The following APOB variants were observed in gnomAD, a reference collection of about 807,000 sequenced individuals.
APOB encodes the protein apolipoprotein B-100.
A neutral mutation model predicts 314.1 loss-of-function variants in APOB; 153 were observed. The observed-to-expected ratio is 0.49, with a 90% CI of 0.43 to 0.56. The LOEUF (loss-of-function observed/expected upper bound fraction) is 0.56. Among genes scored for constraint, APOB ranks in the 20% least tolerant of loss-of-function variants. The probability of loss-of-function intolerance (pLI) is 0.00; values close to 1 mark genes in which losing one functional copy is unlikely to be tolerated. For synonymous variants in APOB, 2,087 were observed against 2,036.4 expected (o/e 1.02, Z -0.67); for missense variants, 5,430 against 5,350.7 (o/e 1.01, Z -0.46).
Position 21,007,430 on chromosome 2 carries a change from T to C in APOB, c.9438A>G (p.Pro3146=), listed in dbSNP as rs1452800083. 1 of 1,614,058 alleles carries C rather than the reference T, an allele frequency of 6.2e-7. No individual in the cohort carries two copies. The highest frequency in any genetic ancestry group is 1.3e-5 in the African/African-American group (1 of 75,048). ...RLPYTIITTP[P]LKDFSLWEKT... ...TTTCCCATAGAGAGAAATCTTTCAG[T>C]GGAGGAGTTGTGATTATTGTGTAAG... is the stretch of plus-strand genomic sequence containing the variant. The change falls in exon 26 of 29, where the codon CCA becomes CCG. Residue 3146 remains proline, a synonymous_variant. Transcript: ENST00000233242.
chr2:21,022,757 C>T (rs762885816), intron 18 of APOB, 74 bp downstream of exon 18: 117 of 1,444,008 alleles, frequency 8.1e-5, no homozygotes, highest in Non-Finnish European at 1.1e-4. Context: ...ACTGTTTAGC[C>T]TGGCAAAATT....
Position 21,010,675 on chromosome 2 carries a change from C to A in APOB, c.6193G>T (p.Asp2065Tyr). Residue 2065 changes from aspartate to tyrosine, a missense_variant, in exon 26 of 29, where the codon GAT becomes TAT. Around this residue, in one of 3 missense-constraint regions of APOB, gnomAD observed 3,281 missense variants for 3,171.0 expected, o/e 1.03. Transcript: ENST00000233242. ...AATGGGAGGTTAATGGAGTGAACAT[C>A]TTGGTTTTTATCATACTTTACAAAA... ...VAFVKYDKNQ[D>Y]VHSINLPFFE... 1 of 1,614,022 alleles carries A rather than the reference C, an allele frequency of 6.2e-7. No homozygotes were observed. Among genetic ancestry groups the A allele is most frequent in the Non-Finnish European group, 8.5e-7 (1 of 1,179,984 alleles).
In APOB at chr2:21,009,270, T is replaced by C. The variant is rs755016050; in HGVS notation, c.7598A>G (p.Gln2533Arg). ...CTGGCCTACCAGAGACAGGTATCGTTGAAGTTCCTGCTGAATGTCCATTTG... is the reference window on the plus strand; with the variant it reads ...CTGGCCTACCAGAGACAGGTATCGTCGAAGTTCCTGCTGAATGTCCATTTG... ...MYQMDIQQEL[Q>R]RYLSLVGQVY... Residue 2533 changes from glutamine to arginine, a missense_variant, in exon 26 of 29, where the codon CAA becomes CGA. This residue lies in a region of APOB where 3,281 missense variants were observed against 3,171.0 expected (regional missense o/e 1.03). Transcript: ENST00000233242. 6.8e-6 allele frequency: 11 copies of C among 1,613,980 alleles called. No homozygotes were observed. The South Asian group carries it at 9.9e-5, about 14-fold the overall frequency.
At chr2:21,040,268 A>G (rs1018220679) in intron 4 of APOB, among the ~76,000 whole-genome samples, 3 of 152,338 alleles carry the variant, frequency 2.0e-5, no homozygotes, top group African/African-American at 7.2e-5. Flanking sequence ...GCCCAGTCTC[A>G]GGTATGTCTT....
In APOB at chr2:21,010,320, T is replaced by C. The variant is rs748579167; in HGVS notation, c.6548A>G (p.Gln2183Arg). Residue 2183 changes from glutamine to arginine, a missense_variant, in exon 26 of 29, where the codon CAG (glutamine) becomes CGG (arginine). Around this residue, in one of 3 missense-constraint regions of APOB, gnomAD observed 3,281 missense variants for 3,171.0 expected, o/e 1.03. Transcript: ENST00000233242. ...TAAATCATAACTATCTTTAATATACTGATCAAATTGTATCATATATGTCTG... is the reference window on the plus strand; with the variant it reads ...TAAATCATAACTATCTTTAATATACCGATCAAATTGTATCATATATGTCTG... Reference protein sequence around the residue: ...QLQTYMIQFDQYIKDSYDLHD... With the variant: ...QLQTYMIQFDRYIKDSYDLHD... 3.5e-5 allele frequency: 54 copies of C among 1,554,036 alleles called. No individual in the cohort carries two copies. The highest frequency in any genetic ancestry group is 4.2e-5 in the Non-Finnish European group (48 of 1,150,992).
rs1453981169 is a variant in APOB, at chr2:21,008,060, G to A, written c.8808C>T (p.Phe2936=). ...GTGATTCATGTGTTCCCTCATCTGA[G>A]AATCTGGGGCAGGCCCATTTCCATG... The part of the protein sequence containing the change: ...KGSWKWACPR[F]SDEGTHESQI... Residue 2936 remains phenylalanine (F), a synonymous_variant, in exon 26 of 29, where the codon TTC becomes TTT. Transcript: ENST00000233242. The A allele has an allele frequency of 3.7e-6, 6 of 1,614,104 alleles. No individual in the cohort carries two copies. The highest frequency in any genetic ancestry group is 5.1e-6 in the Non-Finnish European group (6 of 1,179,978).
chr2:21,033,666 GC>G (rs1663934869), intron 8 of APOB, 148 bp from the exon 9 acceptor site: 2 of 730,764 alleles, frequency 2.7e-6, no homozygotes, highest in Non-Finnish European at 4.9e-6. Context: ...ATCTGGCTCT[GC>G]CATAGGTGAT....
At position 21,015,100 on chromosome 2, in the gene APOB, G is replaced by C; in HGVS notation, c.3669C>G (p.Phe1223Leu). ...CTATTAATTTGGAACCCACGTGCCG[G>C]AAAGTCATGTCTGTTTGAGGGACTC... ...DHRVPQTDMT[F>L]RHVGSKLIVA... Residue 1223 changes from phenylalanine to leucine, a missense_variant, in exon 23 of 29, where the codon TTC becomes TTG. By Grantham distance (22) the Phe-to-Leu change is conservative. This residue lies in a region of APOB where 2,085 missense variants were observed against 2,079.7 expected (regional missense o/e 1.00). Coordinates refer to ENST00000233242, the MANE Select transcript of APOB (RefSeq NM_000384.3). 1 of 1,614,160 alleles carries C rather than the reference G, an allele frequency of 6.2e-7. No individual in the cohort carries two copies. Among genetic ancestry groups the C allele is most frequent in the Non-Finnish European group, 8.5e-7 (1 of 1,180,044 alleles).
chr2:21,043,440 C>A (rs1337121967), intron 2 of APOB, 73 bp downstream of exon 2: 1 of 1,517,392 alleles, frequency 6.6e-7, no homozygotes, highest in Non-Finnish European at 9.0e-7. Context: ...GAGTGGGAGG[C>A]CCTCAGGGAC....
At position 21,001,974 on chromosome 2, in the gene APOB, G is replaced by A. The variant is rs147416761; in HGVS notation, c.13448C>T (p.Ala4483Val). 2.5e-5 allele frequency: 41 copies of A among 1,613,818 alleles called. No homozygotes were observed. The highest frequency in any genetic ancestry group is 5.3e-5 in the African/African-American group (4 of 74,890). The change falls in exon 29 of 29, where the codon GCG becomes GTG. Residue 4483 changes from alanine (A) to valine (V), a missense_variant. This residue lies in a region of APOB where 3,281 missense variants were observed against 3,171.0 expected (regional missense o/e 1.03). Transcript: ENST00000233242. ...AQEIIKSQAI[A>V]TKKIISDYHQ... Reference sequence around the variant, plus strand: ...GTAATCAGAAATTATTTTCTTCGTCGCAATGGCCTGGCTTTTAATTATTTC... The same window carrying A: ...GTAATCAGAAATTATTTTCTTCGTCACAATGGCCTGGCTTTTAATTATTTC...
intron 25 of APOB, 39 bp downstream of exon 25, chr2:21,013,121 G>A: frequency 1.2e-6 from 2 of 1,612,176 alleles, no homozygotes; most frequent in Non-Finnish European, 1.7e-6. Flanking sequence ...AGCCTGCCAT[G>A]AACTAGCCCG....
At chr2:21,029,174 G>C (rs924040527) in intron 12 of APOB, among the ~76,000 whole-genome samples, 2 of 152,222 alleles carry the variant, frequency 1.3e-5, no homozygotes, top group Non-Finnish European at 2.9e-5. Flanking sequence ...TAGAGGCCAG[G>C]TGCAGTGGCT....
At chr2:21,014,004 T>A (rs1380914796) in intron 24 of APOB, among the ~76,000 whole-genome samples, 1 of 152,208 alleles carries the variant, frequency 6.6e-6, no homozygotes, top group Non-Finnish European at 1.5e-5. Context: ...TGAGACAACT[T>A]GATTTGTGGA....
At position 21,041,002 on chromosome 2, in the gene APOB, G is replaced by T. The variant is rs748863083; in HGVS notation, c.319C>A (p.Pro107Thr). ...TTCTTCAGCAAGGCTTTGCCCTCAGGGTTGAAGCCATACACCTCTTTCAGG... is the reference window on the plus strand; with the variant it reads ...TTCTTCAGCAAGGCTTTGCCCTCAGTGTTGAAGCCATACACCTCTTTCAGG... ...CTLKEVYGFN[P>T]EGKALLKKTK... Residue 107 changes from proline to threonine, a missense_variant, in exon 4 of 29, where the codon CCT (proline) becomes ACT (threonine). Transcript: ENST00000233242. The T allele has an allele frequency of 6.2e-7, 1 of 1,613,772 alleles. No homozygotes were observed. The highest frequency in any genetic ancestry group is 8.5e-7 in the Non-Finnish European group (1 of 1,179,992).
In APOB at chr2:21,022,945, A is replaced by G. The variant is rs759518368; in HGVS notation, c.2702T>C (p.Met901Thr). The change falls in exon 18 of 29, where the codon ATG becomes ACG. Residue 901 changes from methionine (M) to threonine (T), a missense_variant. Coordinates refer to ENST00000233242, the MANE Select transcript of APOB (RefSeq NM_000384.3). ...IPDFARSGVQ[M>T]NTNFFHESGL... ...CGACTCGTGGAAGAAGTTGGTGTTCATCTGGACCCCACTCCTAGCGAAGTC... is the reference window on the plus strand; with the variant it reads ...CGACTCGTGGAAGAAGTTGGTGTTCGTCTGGACCCCACTCCTAGCGAAGTC... 1 of 1,614,184 alleles carries G rather than the reference A, an allele frequency of 6.2e-7. No homozygotes were observed. Among genetic ancestry groups the G allele is most frequent in the Non-Finnish European group, 8.5e-7 (1 of 1,180,028 alleles).
rs755407886 is a variant in APOB, at chr2:21,032,426, C to T, written c.1280G>A (p.Arg427Gln). The change falls in exon 10 of 29, where the codon CGA becomes CAA. Residue 427 changes from arginine to glutamine, a missense_variant. Arg to Gln is a conservative substitution (Grantham distance 43, BLOSUM62 1). Around this residue, in one of 3 missense-constraint regions of APOB, gnomAD observed 2,085 missense variants for 2,079.7 expected, o/e 1.00. Transcript: ENST00000233242. ...ATCCCTCGCCATGTTGAAGATCTCT[C>T]GCAGCTGCTGTGCTGAGGGCTCGGG... Reference protein sequence around the residue: ...LIPEPSAQQLREIFNMARDQR... With the variant: ...LIPEPSAQQLQEIFNMARDQR... 22 of 1,613,958 alleles carry T rather than the reference C, an allele frequency of 1.4e-5. 1 individual carries two copies. Among genetic ancestry groups the T allele is most frequent in the South Asian group, 6.6e-5 (6 of 91,082 alleles).
chr2:21,032,699 A>T (rs1055389198), intron 9 of APOB, 118 bp from the exon 10 acceptor site: 2 of 499,806 alleles, frequency 4.0e-6, no homozygotes, highest in African/African-American at 3.9e-5. Context: ...ATTCAAATCT[A>T]ACTTCAAAAC....
At chr2:21,043,470 C>A (rs1385734472) in intron 2 of APOB, 43 bp downstream of exon 2, 4 of 1,578,446 alleles carry the variant, frequency 2.5e-6, no homozygotes, top group Non-Finnish European at 3.4e-6. Flanking sequence ...GGAGAGTGCA[C>A]GGGGCTGGGC....
intron 9 of APOB, among the ~76,000 whole-genome samples, chr2:21,032,794 A>G (rs1219137179): frequency 6.6e-6 from 1 of 152,136 alleles, no homozygotes; most frequent in Non-Finnish European, 1.5e-5. Context: ...CCAAGAGGGG[A>G]CTGTGGATCT....
Sources: gnomAD v4.1 joint callset for allele counts (sites outside exome capture counted in the v4.1 genomes callset) on GRCh38, gnomAD v4.1.1 for gene constraint, gnomAD v4.1.1 regional missense constraint, MANE v1.5 for transcripts, NCBI Gene and HGNC (gene_info 2026-07-23, HGNC 2026-07-21) for gene names.